The following FRMD4A variants were observed in gnomAD, a reference collection of about 807,000 sequenced individuals.
The protein encoded by FRMD4A is FERM domain-containing protein 4A.
A neutral mutation model predicts 129.1 loss-of-function variants in FRMD4A; 29 were observed. The observed-to-expected ratio is 0.22, with a 90% CI of 0.17 to 0.31. The LOEUF (loss-of-function observed/expected upper bound fraction) is 0.31. Ranked by LOEUF, FRMD4A falls within the 10% of genes least tolerant of loss-of-function variation. The pLI, the probability that FRMD4A is intolerant of heterozygous loss-of-function variation, is 1.00. For missense variants in FRMD4A, 1,272 were observed against 1,375.8 expected, an observed-to-expected ratio of 0.92 and a Z score of 1.19; for synonymous variants, 634 against 571.6, an observed-to-expected ratio of 1.11 and a Z score of -1.56.
chr10:13,685,531 A>T, intron 15 of FRMD4A: 1 of 985,156 alleles, frequency 1.0e-6, no homozygotes, highest in Non-Finnish European at 1.2e-6. Context: ...CTATTGCAAT[A>T]CCAACGTTTG....
intron 2 of FRMD4A, among the ~76,000 whole-genome samples, chr10:14,220,287 G>T (rs1037373436): frequency 6.6e-6 from 1 of 152,198 alleles, no homozygotes; most frequent in African/African-American, 2.4e-5. Flanking sequence ...TGTTTATATG[G>T]CCCCACTTCG....
chr10:13,782,977 T>G lies in FRMD4A; in HGVS notation c.329A>C (p.Lys110Thr), dbSNP rs2092772898. The change falls in exon 6 of 25, where the codon AAG (lysine) becomes ACG (threonine). Residue 110 changes from lysine (K) to threonine (T), a missense_variant. This residue lies in a region of FRMD4A where 300 missense variants were observed against 483.6 expected (regional missense o/e 0.62). Coordinates refer to ENST00000357447, the MANE Select transcript of FRMD4A (RefSeq NM_018027.5). Reference protein sequence around the residue: ...RFYIESISYLKDNATIELFFL... With the variant: ...RFYIESISYLTDNATIELFFL... ...GAAAAGCTCAATGGTAGCATTATCC[T>G]TCAGGTATGAAATGCTTTCTATATA... 1 of 1,496,658 alleles carries G rather than the reference T, an allele frequency of 6.7e-7. No individual in the cohort carries two copies. The highest frequency in any genetic ancestry group is 1.4e-5 in the African/African-American group (1 of 72,648). 92.7% of individuals were successfully genotyped at this position (1,496,658 alleles called of 1,614,324 possible).
chr10:13,662,050 G>C (rs1158542791), intron 19 of FRMD4A, among the ~76,000 whole-genome samples: 3 of 152,138 alleles, frequency 2.0e-5, no homozygotes, highest in Admixed American at 2.0e-4. Context: ...GAAGAAGCTG[G>C]AATCACGGAA....
chr10:14,307,372 A>G (rs543274811), intron 2 of FRMD4A, among the ~76,000 whole-genome samples: 1 of 152,356 alleles, frequency 6.6e-6, no homozygotes, highest in South Asian at 2.1e-4. Flanking sequence ...CATCAAAAGA[A>G]AAAGAGGATG....
intron 4 of FRMD4A, among the ~76,000 whole-genome samples, chr10:13,797,634 T>A (rs2093150199): frequency 6.6e-6 from 1 of 152,174 alleles, no homozygotes. Context: ...CTGTATCCAA[T>A]GTCAGCCCAT....
chr10:14,004,717 G>A (rs1370414956), intron 2 of FRMD4A, among the ~76,000 whole-genome samples: 2 of 152,064 alleles, frequency 1.3e-5, no homozygotes, highest in African/African-American at 4.8e-5. Flanking sequence ...CAAAGGGGTG[G>A]GCAGTGTGGA....
chr10:14,255,079 T>C (rs1014789776), intron 2 of FRMD4A, among the ~76,000 whole-genome samples: 1 of 152,236 alleles, frequency 6.6e-6, no homozygotes, highest in African/African-American at 2.4e-5. Context: ...GTTAAGAATG[T>C]GCAACCGTCT....
intron 2 of FRMD4A, among the ~76,000 whole-genome samples, chr10:14,002,017 G>T (rs1022107621): frequency 6.6e-6 from 1 of 152,190 alleles, no homozygotes; most frequent in African/African-American, 2.4e-5. Context: ...TAGCAGCTGT[G>T]ATAATGTAAT....
chr10:13,738,519 C>T lies in FRMD4A; in HGVS notation c.673-589G>A, dbSNP rs188618276. ...CTGAGGTCCTGCTCACCCAAGATGA[C>T]AGCTGGGTGCCAGGCAGGGTTTTAG... On this transcript the variant is annotated intron_variant, in intron 11 of 24. Transcript: ENST00000357447. 3.9e-5 allele frequency among the ~76,000 whole-genome samples: 6 copies of T among 152,310 alleles called. No homozygotes were observed. In the East Asian group the frequency reaches 1.2e-3, roughly 29 times the overall value.
chr10:14,142,775 C>T (rs925416314), intron 2 of FRMD4A, among the ~76,000 whole-genome samples: 5 of 152,212 alleles, frequency 3.3e-5, no homozygotes, highest in Non-Finnish European at 5.9e-5. Context: ...CTTCCCACTA[C>T]ATTTGGCTGC....
intron 2 of FRMD4A, among the ~76,000 whole-genome samples, chr10:14,288,167 A>C (rs963822206): frequency 1.3e-5 from 2 of 152,148 alleles, no homozygotes; most frequent in African/African-American, 2.4e-5. Context: ...TATGACTTGC[A>C]GAGTTTAATC....
At chr10:13,793,415 A>G (rs1338035533) in intron 5 of FRMD4A, among the ~76,000 whole-genome samples, 1 of 151,934 alleles carries the variant, frequency 6.6e-6, no homozygotes, top group African/African-American at 2.4e-5. Flanking sequence ...CAGATGATCC[A>G]CCCACCTTGC....
rs994910833 is a variant in FRMD4A at position 14,093,534 on chromosome 10, A to G, written c.46-234622T>C. On this transcript the variant is annotated intron_variant, in intron 2 of 24. Coordinates refer to ENST00000357447, the MANE Select transcript of FRMD4A (RefSeq NM_018027.5). ...TTCACTTGCCATCTAAAGAAAACAC[A>G]CACTCACAATGCTCACACCCACTCA... 4.6e-5 allele frequency among the ~76,000 whole-genome samples: 7 copies of G among 152,204 alleles called. No homozygotes were observed. In the East Asian group the frequency reaches 1.2e-3, roughly 25 times the overall value.
In FRMD4A at chr10:13,654,108, G is replaced by T. The variant is rs185861183; in HGVS notation, c.3050+308C>A. On this transcript the variant is annotated intron_variant, in intron 23 of 24. Transcript: ENST00000357447. ...AGTCAGCCTGAGTATAATCCAAACC[G>T]AAATGAAATGCTGTCTGGAAATCTT... is the stretch of plus-strand genomic sequence containing the variant. 9.1e-5 allele frequency: 47 copies of T among 519,202 alleles called. 1 individual carries two copies. In the South Asian group the frequency reaches 1.4e-3, roughly 15 times the overall value. The allele number at this position is 519,202 out of a possible 1,614,324, so 32.2% of individuals were successfully genotyped here.
chr10:13,666,605 C>T (rs560561813), intron 17 of FRMD4A, among the ~76,000 whole-genome samples: 1 of 152,316 alleles, frequency 6.6e-6, no homozygotes, highest in African/African-American at 2.4e-5. Flanking sequence ...GGCTGTGTTT[C>T]GACTGTCTCC....
At chr10:14,229,568 G>A (rs1421583588) in intron 2 of FRMD4A, among the ~76,000 whole-genome samples, 1 of 152,104 alleles carries the variant, frequency 6.6e-6, no homozygotes, top group Non-Finnish European at 1.5e-5. Flanking sequence ...CTCCCGAGTA[G>A]CTGGGACTAC....
chr10:14,300,756 G>T (rs1846156756), intron 2 of FRMD4A, among the ~76,000 whole-genome samples: 1 of 152,192 alleles, frequency 6.6e-6, no homozygotes, highest in African/African-American at 2.4e-5. Flanking sequence ...CTCCTCCAAG[G>T]AAAGTGTAAG....
intron 2 of FRMD4A, among the ~76,000 whole-genome samples, chr10:14,322,627 T>C (rs1038732335): frequency 3.3e-5 from 5 of 152,210 alleles, no homozygotes; most frequent in Non-Finnish European, 5.9e-5. Flanking sequence ...AAGATTTCAA[T>C]ATCCAGGATT....
rs561166116 is a variant in FRMD4A at position 14,169,003 on chromosome 10, C to G, written c.45+161055G>C. Among the ~76,000 whole-genome samples, 6 of 152,280 alleles carry G rather than the reference C, an allele frequency of 3.9e-5. No homozygotes were observed. In the South Asian group the frequency reaches 1.2e-3, roughly 32 times the overall value. ...AAAGAATAAAGTTTTTTCCTGTTTG[C>G]ACCCAACTGAGGTCAGTAGTTTAAT... On this transcript the variant is annotated intron_variant, in intron 2 of 24. Transcript: ENST00000357447.
Sources: allele counts gnomAD v4.1 joint callset (sites outside exome capture counted in the v4.1 genomes callset), GRCh38; gene constraint gnomAD v4.1.1; regional missense constraint gnomAD v4.1.1; transcripts MANE v1.5; gene names NCBI Gene and HGNC (gene_info 2026-07-23, HGNC 2026-07-21).